Variants in FRMD6 observed in about 807,000 individuals in gnomAD.
FRMD6 encodes the protein FERM domain-containing protein 6.
Under a neutral mutation model 73.2 loss-of-function variants are expected in FRMD6, and 37 were observed. The ratio of observed to expected loss-of-function variants is 0.51; its 90% confidence interval spans 0.39 to 0.66. The LOEUF (loss-of-function observed/expected upper bound fraction) is 0.66. Ranked by LOEUF, FRMD6 falls within the 30% of genes least tolerant of loss-of-function variation. The pLI is 0.00. For synonymous variants in FRMD6, 273 were observed against 282.2 expected, an observed-to-expected ratio of 0.97 and a Z score of 0.33; for missense variants, 714 against 780.5, an observed-to-expected ratio of 0.91 and a Z score of 1.02.
chr14:51,629,198 G>C (rs1891245077), intron 2 of FRMD6, among the ~76,000 whole-genome samples: 1 of 152,018 alleles, frequency 6.6e-6, no homozygotes, highest in Non-Finnish European at 1.5e-5. Flanking sequence ...TTTTTCACTT[G>C]GCATAACGGT....
chr14:51,471,791 A>G, the FRMD6 span, among the ~76,000 whole-genome samples: 1 of 152,200 alleles, frequency 6.6e-6, no homozygotes, highest in Admixed American at 6.5e-5. Context: ...ATAATAACAG[A>G]GTTTAAAAAA....
chr14:51,615,929 A>T (rs745332739), intron 2 of FRMD6, among the ~76,000 whole-genome samples: 2 of 152,226 alleles, frequency 1.3e-5, no homozygotes, highest in Non-Finnish European at 2.9e-5. Context: ...AGAGGTGATG[A>T]GTTCCAAAGA....
chr14:51,729,078 T>C lies in FRMD6; in HGVS notation c.*1049T>C, dbSNP rs1220978542. 6.6e-6 allele frequency: 1 copy of C among 152,204 alleles called. No homozygotes were observed. The highest frequency in any genetic ancestry group is 1.5e-5 in the Non-Finnish European group (1 of 68,034). The allele number at this position is 152,204 out of a possible 1,614,324, so 9.4% of individuals were successfully genotyped here. ...GATACCTGCAGACAGTCAGTTGATATATGTAGAGTTCAGAATGACTGTTTT... is the reference window on the plus strand; with the variant it reads ...GATACCTGCAGACAGTCAGTTGATACATGTAGAGTTCAGAATGACTGTTTT... On this transcript the variant is annotated 3_prime_UTR_variant, in exon 14 of 14. Transcript: ENST00000344768.
At chr14:51,690,422 G>T (rs141514030) in intron 2 of FRMD6, among the ~76,000 whole-genome samples, 1 of 152,234 alleles carries the variant, frequency 6.6e-6, no homozygotes, top group African/African-American at 2.4e-5. Context: ...GTCTCACTCT[G>T]TCACCCAGGC....
At chr14:51,619,767 T>C (rs1890855406) in intron 2 of FRMD6, among the ~76,000 whole-genome samples, 1 of 152,244 alleles carries the variant, frequency 6.6e-6, no homozygotes, top group Non-Finnish European at 1.5e-5. Flanking sequence ...GTATGCTTTT[T>C]GGAATATCTG....
intron 2 of FRMD6, among the ~76,000 whole-genome samples, chr14:51,612,504 C>A (rs948011349): frequency 1.3e-5 from 2 of 152,206 alleles, no homozygotes; most frequent in Non-Finnish European, 2.9e-5. Flanking sequence ...GCTACATGAC[C>A]TTGGGCCTAA....
At chr14:51,568,535 G>T (rs906171704) in intron 1 of FRMD6, among the ~76,000 whole-genome samples, 8 of 152,198 alleles carry the variant, frequency 5.3e-5, no homozygotes, top group Non-Finnish European at 1.2e-4. Flanking sequence ...CCTTGTACTG[G>T]CCTGTTAAAG....
chr14:51,503,208 C>T (rs1883719297), intron 1 of FRMD6, among the ~76,000 whole-genome samples: 1 of 152,146 alleles, frequency 6.6e-6, no homozygotes, highest in African/African-American at 2.4e-5. Context: ...TGTCTGATTG[C>T]CCTGGCCAGA....
intron 2 of FRMD6, among the ~76,000 whole-genome samples, chr14:51,614,601 A>G (rs1890639036): frequency 6.6e-6 from 1 of 152,228 alleles, no homozygotes; most frequent in Admixed American, 6.5e-5. Context: ...TTGGTTATAT[A>G]CACATTTCAG....
In FRMD6 at chr14:51,617,419, G is replaced by A. The variant is rs143350342; in HGVS notation, c.-147+47009G>A. On this transcript the variant is annotated intron_variant, in intron 2 of 14. Transcript: ENST00000356218. ...GGAACCAGAAATCATTCTTCCAGATGCAGTGTTGCTCATAATGGAAAACCT... is the reference window on the plus strand; with the variant it reads ...GGAACCAGAAATCATTCTTCCAGATACAGTGTTGCTCATAATGGAAAACCT... 5.9e-3 allele frequency among the ~76,000 whole-genome samples: 896 copies of A among 152,262 alleles called. 3 individuals are homozygous for A. The highest frequency in any genetic ancestry group is 0.014 in the Middle Eastern group (4 of 294).
In FRMD6 at chr14:51,725,801, G is replaced by T. The variant is rs1396884163; in HGVS notation, c.1515G>T (p.Gly505=). The change falls in exon 13 of 14, where the codon GGG becomes GGT. Residue 505 remains glycine (G), a synonymous_variant. Transcript: ENST00000344768. ...CAGGGTTGATTGTGAAAGAAATTGG[G>T]TCTTCCACCTCGAGCTCTTCAGAAA... is the stretch of plus-strand genomic sequence containing the variant. ...GHSGLIVKEI[G]SSTSSSSETV... is the part of the protein sequence containing the mutation. The T allele has an allele frequency of 5.6e-6, 9 of 1,613,458 alleles. No individual in the cohort carries two copies. Among genetic ancestry groups the T allele is most frequent in the Non-Finnish European group, 5.9e-6 (7 of 1,179,610 alleles).
intron 2 of FRMD6, among the ~76,000 whole-genome samples, chr14:51,607,617 T>G (rs1473702368): frequency 2.6e-5 from 4 of 152,224 alleles, no homozygotes; most frequent in Non-Finnish European, 1.5e-5. Flanking sequence ...GGATGATGGC[T>G]GGCAGCAGGA....
In FRMD6 at chr14:51,708,220, A is replaced by G; in HGVS notation, c.701A>G (p.Tyr234Cys). 1.2e-6 allele frequency: 2 copies of G among 1,612,978 alleles called. No homozygotes were observed. Among genetic ancestry groups the G allele is most frequent in the African/African-American group, 1.3e-5 (1 of 74,972 alleles). The part of the protein sequence containing the change: ...VRLDDVAVHY[Y>C]RLYKDKREIE... The stretch of plus-strand genomic sequence containing the variant: ...CTGGATGACGTCGCTGTTCATTACT[A>G]CAGATTGTATAAGGTATGAAACGGC... The change falls in exon 7 of 14, where the codon TAC (tyrosine) becomes TGC (cysteine). Residue 234 changes from tyrosine (Y) to cysteine (C), a missense_variant. Physicochemically the swap from Tyr to Cys is radical, Grantham distance 194 (BLOSUM62 -2). Transcript: ENST00000344768.
At chr14:51,550,453 G>C (rs1420311089) in intron 1 of FRMD6, among the ~76,000 whole-genome samples, 2 of 152,136 alleles carry the variant, frequency 1.3e-5, no homozygotes, top group Non-Finnish European at 2.9e-5. Flanking sequence ...ATATTGGGCT[G>C]TGTCTGCTTC....
intron 1 of FRMD6, among the ~76,000 whole-genome samples, chr14:51,512,503 C>T (rs1884370280): frequency 6.6e-6 from 1 of 152,182 alleles, no homozygotes; most frequent in Non-Finnish European, 1.5e-5. Context: ...GTCTTGTCAT[C>T]CATCAAGGCT....
At chr14:51,481,324 G>A in the FRMD6 span, among the ~76,000 whole-genome samples, 1 of 152,174 alleles carries the variant, frequency 6.6e-6, no homozygotes, top group African/African-American at 2.4e-5. Context: ...GGCAGAAAGT[G>A]AAAAGCATGT....
intron 13 of FRMD6, 89 bp downstream of exon 13, chr14:51,725,959 A>T: frequency 1.2e-6 from 1 of 840,780 alleles, no homozygotes; most frequent in Non-Finnish European, 2.0e-6. Context: ...ATGAGCAAAA[A>T]TTAAAAACCC....
intron 1 of FRMD6, among the ~76,000 whole-genome samples, chr14:51,534,899 T>C (rs1422245499): frequency 6.6e-6 from 1 of 152,108 alleles, no homozygotes; most frequent in Non-Finnish European, 1.5e-5. Flanking sequence ...TACTCTCCAG[T>C]GGAGAACGCA....
At chr14:51,702,024 A>T (rs1208424617) in intron 4 of FRMD6, among the ~76,000 whole-genome samples, 1 of 152,000 alleles carries the variant, frequency 6.6e-6, no homozygotes, top group Non-Finnish European at 1.5e-5. Flanking sequence ...TTTGTATTTA[A>T]GAAGTCTTGG....
Sources: allele counts gnomAD v4.1 joint callset (sites outside exome capture counted in the v4.1 genomes callset), GRCh38; gene constraint gnomAD v4.1.1; transcripts MANE v1.5; gene names NCBI Gene and HGNC (gene_info 2026-07-23, HGNC 2026-07-21).